The following CPB1 variants were observed in gnomAD, a reference collection of about 807,000 sequenced individuals.
CPB1 encodes the protein carboxypeptidase B1, also known as carboxypeptidase B.
CPB1 carries 53 observed loss-of-function variants against 51.4 expected under a neutral mutation model. The observed-to-expected ratio is 1.03, with a 90% CI of 0.83 to 1.30. The LOEUF is 1.30. Among genes scored for constraint, CPB1 ranks in the 50% most tolerant of loss-of-function variants. CPB1 has a pLI of 0.00. For synonymous variants in CPB1, 189 were observed against 186.9 expected (o/e 1.01, Z -0.09); for missense variants, 494 against 516.2 (o/e 0.96, Z 0.42).
chr3:148,841,721 G>T, intron 5 of CPB1, 102 bp from the exon 6 acceptor site: 1 of 750,004 alleles, frequency 1.3e-6, no homozygotes, highest in Non-Finnish European at 2.3e-6. Context: ...TGCTGCTGTC[G>T]GGTTTCACTT....
chr3:148,837,387 G>C (rs1343062769), intron 3 of CPB1, among the ~76,000 whole-genome samples: 1 of 151,898 alleles, frequency 6.6e-6, no homozygotes, highest in Non-Finnish European at 1.5e-5. Flanking sequence ...ATCTGAAAGG[G>C]GGATAAAACT....
chr3:148,845,471 G>T lies in CPB1; in HGVS notation c.826G>T (p.Ala276Ser). The T allele has an allele frequency of 6.2e-7, 1 of 1,613,920 alleles. No individual in the cohort carries two copies. The highest frequency in any genetic ancestry group is 8.5e-7 in the Non-Finnish European group (1 of 1,179,860). ...NPCDETYCGP[A>S]AESEKETKAL... ...CTGTGATGAAACTTACTGTGGACCT[G>T]CCGCAGAGTCTGAAAAGGAGACCAA... The change falls in exon 9 of 11, where the codon GCC (alanine) becomes TCC (serine). Residue 276 changes from alanine to serine, a missense_variant. Coordinates refer to ENST00000282957, the MANE Select transcript of CPB1 (RefSeq NM_001871.3).
At chr3:148,833,609 C>G (rs1712803201) in intron 2 of CPB1, among the ~76,000 whole-genome samples, 2 of 152,148 alleles carry the variant, frequency 1.3e-5, no homozygotes, top group Admixed American at 1.3e-4. Flanking sequence ...CAATGTCAGG[C>G]TGACCTCAGA....
intron 9 of CPB1, among the ~76,000 whole-genome samples, chr3:148,850,036 C>T (rs577797405): frequency 1.1e-4 from 16 of 152,284 alleles, no homozygotes; most frequent in Non-Finnish European, 2.1e-4. Flanking sequence ...TGCCTCTGGA[C>T]ATTAATAAAG....
intron 5 of CPB1, 148 bp downstream of exon 5, chr3:148,841,123 A>T: frequency 3.4e-6 from 2 of 589,838 alleles, no homozygotes; most frequent in Non-Finnish European, 5.9e-6. Context: ...CAGATTCCCC[A>T]GCTTCTTTTA....
chr3:148,831,366 T>G (rs1712730866), intron 2 of CPB1, among the ~76,000 whole-genome samples: 1 of 152,180 alleles, frequency 6.6e-6, no homozygotes, highest in Non-Finnish European at 1.5e-5. Context: ...TGAGTAGAAG[T>G]TGTTTTCTTT....
Position 148,845,650 on chromosome 3 carries a change from G to A in CPB1, c.981+24G>A, listed in dbSNP as rs572500402. Reference sequence around the variant, plus strand: ...TGGTAAGTAGCAAAGTAGTAGGTATGACATTTTACTATTGAGATTTTTTAA... The same window carrying A: ...TGGTAAGTAGCAAAGTAGTAGGTATAACATTTTACTATTGAGATTTTTTAA... On this transcript the variant is annotated intron_variant, in intron 9 of 10. Coordinates refer to ENST00000282957, the MANE Select transcript of CPB1 (RefSeq NM_001871.3). The A allele has an allele frequency of 5.2e-6, 8 of 1,549,584 alleles. No individual in the cohort carries two copies. In the East Asian group the frequency reaches 1.8e-4, roughly 35 times the overall value.
chr3:148,839,278 C>T (rs62274569), intron 3 of CPB1, among the ~76,000 whole-genome samples: 55,886 of 151,938 alleles, frequency 0.37, 11,224 homozygotes, highest in Middle Eastern at 0.45. Flanking sequence ...TTAGATTCTC[C>T]CCTAGAGCTT....
intron 10 of CPB1, among the ~76,000 whole-genome samples, chr3:148,859,024 T>C (rs979306749): frequency 1.3e-5 from 2 of 152,190 alleles, no homozygotes; most frequent in African/African-American, 4.8e-5. Context: ...ATATGAGGCA[T>C]ACTGTTTTCT....
intron 3 of CPB1, among the ~76,000 whole-genome samples, chr3:148,840,215 A>C (rs1349764560): frequency 6.6e-6 from 1 of 152,232 alleles, no homozygotes; most frequent in African/African-American, 2.4e-5. Context: ...AGACAGGTCC[A>C]AAGTGACAAC....
intron 9 of CPB1, 141 bp downstream of exon 9, chr3:148,845,767 A>AATTTATAAG (rs1713219911): frequency 1.5e-6 from 1 of 659,762 alleles, no homozygotes; most frequent in Non-Finnish European, 2.5e-6. Flanking sequence ...AACTTATTAC[A>AATTTATAAG]GATTTATAAG....
chr3:148,860,000 T>G lies in CPB1; in HGVS notation c.1252T>G (p.Ter418GluextTer37). 2 of 1,605,258 alleles carry G rather than the reference T, an allele frequency of 1.2e-6. No individual in the cohort carries two copies. Among genetic ancestry groups the G allele is most frequent in the Non-Finnish European group, 1.7e-6 (2 of 1,175,996 alleles). Residue 418 changes from the stop codon to glutamate, a stop_lost, in exon 11 of 11, where the codon TAG becomes GAG. Coordinates refer to ENST00000282957, the MANE Select transcript of CPB1 (RefSeq NM_001871.3). ...VASYVLEHLY[*>E] ...CAGCTACGTCCTGGAACACCTGTAC[T>G]AGTTGAGAAAGCTGATGGCCTTGTT...
Position 148,834,458 on chromosome 3 carries a change from T to C in CPB1, c.148-40T>C, listed in dbSNP as rs753609228. 61 of 1,588,334 alleles carry C rather than the reference T, an allele frequency of 3.8e-5. No individual in the cohort carries two copies. The East Asian group carries it at 1.4e-3, about 36-fold the overall frequency. On this transcript the variant is annotated intron_variant, in intron 2 of 10. Transcript: ENST00000282957. ...GTGCTCGCAGATTATCCTTCATCCA[T>C]TGAATTATAGGTATCCAATATATCT...
At chr3:148,829,294 T>A (rs534237063) in intron 2 of CPB1, among the ~76,000 whole-genome samples, 66 of 152,306 alleles carry the variant, frequency 4.3e-4, no homozygotes, top group Non-Finnish European at 7.9e-4. Context: ...GTTACCAGAA[T>A]TGACTATGGA....
intron 2 of CPB1, among the ~76,000 whole-genome samples, chr3:148,833,328 G>A (rs946145892): frequency 5.9e-5 from 9 of 151,998 alleles, no homozygotes; most frequent in East Asian, 1.9e-4. Context: ...GGCCTGATTC[G>A]TGACTCACCA....
chr3:148,846,770 TAC>T (rs1559960114), intron 9 of CPB1, among the ~76,000 whole-genome samples: 1 of 67,712 alleles, frequency 1.5e-5, no homozygotes, highest in East Asian at 4.3e-4. Flanking sequence ...TATATATATA[TAC>T]ACATATATAT....
chr3:148,854,347 C>T (rs1336313617), intron 9 of CPB1: 1 of 152,046 alleles, frequency 6.6e-6, no homozygotes, highest in African/African-American at 2.4e-5. Flanking sequence ...CACACTGATT[C>T]CAGGGATTTT....
intron 9 of CPB1, chr3:148,851,967 TA>T (rs1326100955): frequency 6.6e-6 from 1 of 152,232 alleles, no homozygotes; most frequent in Non-Finnish European, 1.5e-5. Flanking sequence ...AAACAATTTT[TA>T]TTGTAACCAT....
chr3:148,854,532 A>G (rs1713521896), intron 9 of CPB1: 1 of 152,082 alleles, frequency 6.6e-6, no homozygotes, highest in African/African-American at 2.4e-5. Flanking sequence ...GTGGCATCCT[A>G]TCAACCATCA....
Sources: allele counts gnomAD v4.1 joint callset (sites outside exome capture counted in the v4.1 genomes callset), GRCh38; gene constraint gnomAD v4.1.1; transcripts MANE v1.5; gene names NCBI Gene and HGNC (gene_info 2026-07-23, HGNC 2026-07-21).